Variants in PRKAR1B observed in about 807,000 individuals in gnomAD.
PRKAR1B encodes the protein protein kinase cAMP-dependent type I regulatory subunit beta, also known as cAMP-dependent protein kinase type I-beta regulatory subunit.
In PRKAR1B, 22 loss-of-function variants were observed where a neutral mutation model predicts 46.5. That is an observed-to-expected ratio of 0.47 (90% CI 0.34 to 0.68). PRKAR1B has a LOEUF of 0.68. PRKAR1B is among the 30% of genes least tolerant of loss of function. The pLI is 0.01. For missense variants in PRKAR1B, 445 were observed against 535.6 expected (o/e 0.83, Z 1.67); for synonymous variants, 259 against 217.7 (o/e 1.19, Z -1.67).
At chr7:712,246 T>G (rs1001011479) in intron 1 of PRKAR1B, among the ~76,000 whole-genome samples, 1 of 128,838 alleles carries the variant, frequency 7.8e-6, no homozygotes, top group African/African-American at 2.9e-5. Context: ...AAACCCGGCC[T>G]CAGCGCCGGC....
intron 1 of PRKAR1B, among the ~76,000 whole-genome samples, chr7:715,544 TC>T (rs1342090433): frequency 1.3e-5 from 2 of 152,020 alleles, no homozygotes; most frequent in African/African-American, 4.8e-5. Context: ...TCACATATCT[TC>T]CCATAGGGAA....
intron 4 of PRKAR1B, among the ~76,000 whole-genome samples, chr7:630,276 C>A (rs1276950179): frequency 6.6e-6 from 1 of 152,200 alleles, no homozygotes; most frequent in African/African-American, 2.4e-5. Flanking sequence ...CTGAGATGTA[C>A]CTGAGGGCTC....
At chr7:665,505 A>T (rs2128498285) in intron 4 of PRKAR1B, among the ~76,000 whole-genome samples, 1 of 152,324 alleles carries the variant, frequency 6.6e-6, no homozygotes, top group African/African-American at 2.4e-5. Context: ...CCTCCGTTGA[A>T]TTCAGCTTCT....
chr7:617,573 G>A (rs1465685591), intron 4 of PRKAR1B, among the ~76,000 whole-genome samples: 1 of 152,164 alleles, frequency 6.6e-6, no homozygotes, highest in Non-Finnish European at 1.5e-5. Context: ...CTAACATCAG[G>A]CCAGCTGGTC....
chr7:563,997 G>A (rs570556058), intron 9 of PRKAR1B, among the ~76,000 whole-genome samples: 97 of 152,146 alleles, frequency 6.4e-4, no homozygotes, highest in African/African-American at 2.1e-3. Context: ...AGCCTGGCCC[G>A]GCTCCAGCCT....
chr7:605,066 G>A (rs140257450), intron 6 of PRKAR1B, among the ~76,000 whole-genome samples: 89 of 152,334 alleles, frequency 5.8e-4, no homozygotes, highest in African/African-American at 2.0e-3. Flanking sequence ...CGAGGGAGGC[G>A]TGGGACATGT....
chr7:603,762 ACCAGGACCCAGAG>A (rs1440023698), intron 6 of PRKAR1B, among the ~76,000 whole-genome samples: 7 of 120,708 alleles, frequency 5.8e-5, no homozygotes, highest in African/African-American at 1.4e-4. Context: ...AGGAGGTGAC[ACCAGGACCCAGAG>A]TGGAGGGGAT....
chr7:676,827 C>A lies in PRKAR1B; in HGVS notation c.440+402G>T, dbSNP rs543935206. ...GAGAGCAACGGGGGCTGCCTACCTC[C>A]CCGAGGGCAAGGAGGGTGGTGGTGA... On this transcript the variant is annotated intron_variant, in intron 4 of 10. Transcript: ENST00000537384. Among the ~76,000 whole-genome samples, 16 of 151,456 alleles carry A rather than the reference C, an allele frequency of 1.1e-4. No individual in the cohort carries two copies. In the South Asian group the frequency reaches 3.3e-3, roughly 32 times the overall value.
chr7:611,765 AATGAATGGATGG>A (rs1318669567), intron 4 of PRKAR1B, among the ~76,000 whole-genome samples: 2 of 112,260 alleles, frequency 1.8e-5, no homozygotes, highest in Non-Finnish European at 1.9e-5. Flanking sequence ...TGAGTAGACG[AATGAATGGATGG>A]ATGGATGGAT....
chr7:566,675 A>AT lies in PRKAR1B; in HGVS notation c.891+12580_891+12581insA. On this transcript the variant is annotated intron_variant, in intron 9 of 10. Coordinates refer to ENST00000537384, the MANE Select transcript of PRKAR1B (RefSeq NM_001164760.2). The stretch of plus-strand genomic sequence containing the variant: ...CACCATCATCACCATCACCTTCATC[A>AT]CCATCACCATCATCACCATCACCTT... Among the ~76,000 whole-genome samples the AT allele has an allele frequency of 1.6e-5, 2 of 124,764 alleles. 1 individual carries two copies. Among genetic ancestry groups the AT allele is most frequent in the Middle Eastern group, 7.9e-3 (2 of 254 alleles). 81.9% of individuals were successfully genotyped at this position (124,764 alleles called of 152,430 possible).
At chr7:606,342 G>C (rs183388965) in intron 5 of PRKAR1B, 103 bp from the exon 6 acceptor site, 11 of 954,058 alleles carry the variant, frequency 1.2e-5, no homozygotes, top group Admixed American at 5.9e-5. Flanking sequence ...AGAGACCCTC[G>C]AAGCAACATC....
chr7:677,324 A>G lies in PRKAR1B; in HGVS notation c.349-4T>C. On this transcript the variant is annotated splice_region_variant and splice_polypyrimidine_tract_variant and intron_variant, in intron 3 of 10. Transcript: ENST00000537384. ...TTTTGTAGTCCTTGGGAATCACCTG[A>G]AGCGGAGCCAACACATCACCGTGTG... The G allele has an allele frequency of 6.2e-7, 1 of 1,614,122 alleles. No individual in the cohort carries two copies. Among genetic ancestry groups the G allele is most frequent in the Non-Finnish European group, 8.5e-7 (1 of 1,179,926 alleles).
intron 2 of PRKAR1B, among the ~76,000 whole-genome samples, chr7:703,521 TG>T (rs1487903800): frequency 1.3e-5 from 2 of 151,966 alleles, no homozygotes; most frequent in Non-Finnish European, 2.9e-5. Flanking sequence ...CTGGGCGTGG[TG>T]GCAGACGCCT....
intron 4 of PRKAR1B, among the ~76,000 whole-genome samples, chr7:615,568 T>G (rs1363411463): frequency 6.6e-6 from 1 of 150,728 alleles, no homozygotes; most frequent in African/African-American, 2.4e-5. Flanking sequence ...CCGGGTGCGG[T>G]GGCTCATGCC....
At chr7:677,763 A>C (rs1206648892) in intron 3 of PRKAR1B, among the ~76,000 whole-genome samples, 1 of 152,206 alleles carries the variant, frequency 6.6e-6, no homozygotes, top group Non-Finnish European at 1.5e-5. Flanking sequence ...GTGTCACGTA[A>C]TGATGGGGAA....
chr7:564,108 C>T (rs1778989812), intron 9 of PRKAR1B, among the ~76,000 whole-genome samples: 1 of 152,252 alleles, frequency 6.6e-6, no homozygotes, highest in African/African-American at 2.4e-5. Flanking sequence ...TCAGTCTCCC[C>T]ACAGAGACCA....
At chr7:701,627 A>G (rs1010459217) in intron 2 of PRKAR1B, among the ~76,000 whole-genome samples, 1 of 152,252 alleles carries the variant, frequency 6.6e-6, no homozygotes, top group African/African-American at 2.4e-5. Flanking sequence ...TCATGAAAGA[A>G]GCCAGAGAAA....
At chr7:584,114 C>T (rs1268024687) in intron 8 of PRKAR1B, among the ~76,000 whole-genome samples, 2 of 152,154 alleles carry the variant, frequency 1.3e-5, no homozygotes, top group Non-Finnish European at 2.9e-5. Context: ...TAGCACAGGT[C>T]AGGGAAAGCA....
At position 572,980 on chromosome 7, in the gene PRKAR1B, G is replaced by C. The variant is rs192654009; in HGVS notation, c.891+6276C>G. ...AAGAAAAACAAACGGCGGCCACGAGGGCAGCCACTGAGCCTCCAGCGCCTG... is the reference window on the plus strand; with the variant it reads ...AAGAAAAACAAACGGCGGCCACGAGCGCAGCCACTGAGCCTCCAGCGCCTG... On this transcript the variant is annotated intron_variant, in intron 9 of 10. Transcript: ENST00000537384. Among the ~76,000 whole-genome samples the C allele has an allele frequency of 2.9e-3, 442 of 152,312 alleles. 2 individuals carry two copies. Among genetic ancestry groups the C allele is most frequent in the Admixed American group, 5.4e-3 (82 of 15,306 alleles).
Sources: gnomAD v4.1 joint callset for allele counts (sites outside exome capture counted in the v4.1 genomes callset) on GRCh38, gnomAD v4.1.1 for gene constraint, MANE v1.5 for transcripts, NCBI Gene and HGNC (gene_info 2026-07-23, HGNC 2026-07-21) for gene names.